Variants in ALDH3B2 observed in about 807,000 individuals in gnomAD.
The protein encoded by ALDH3B2 is aldehyde dehydrogenase 3 family member B2.
In ALDH3B2, 45 loss-of-function variants were observed where a neutral mutation model predicts 36.7. The observed-to-expected ratio is 1.23, with a 90% confidence interval of 0.97 to 1.57. The LOEUF is 1.57. Among genes scored for constraint, ALDH3B2 ranks in the 40% most tolerant of loss-of-function variants. ALDH3B2 has a pLI of 0.00. For missense variants in ALDH3B2, 464 were observed against 513.3 expected (o/e 0.90, Z 0.93); for synonymous variants, 217 against 226.5 (o/e 0.96, Z 0.38).
chr11:67,663,196 T>C (rs747612986), exon 10 of ALDH3B2: 7 of 1,587,992 alleles, frequency 4.4e-6, no homozygotes, highest in Non-Finnish European at 6.0e-6. Flanking sequence ...GTGTGACCCG[T>C]TGGAGGCGGG....
At chr11:67,666,802 A>G (rs1591143500) in intron 3 of ALDH3B2, 104 bp downstream of exon 3, 1 of 1,609,416 alleles carries the variant, frequency 6.2e-7, no homozygotes, top group East Asian at 2.2e-5. Flanking sequence ...AGGAGAGACG[A>G]GAAAATCAGT....
At chr11:67,672,063 A>ATG (rs1242981296) in intron 1 of ALDH3B2, among the ~76,000 whole-genome samples, 10 of 77,100 alleles carry the variant, frequency 1.3e-4, no homozygotes, top group Non-Finnish European at 2.2e-4. Context: ...ATATATATAT[A>ATG]TATATATATA....
chr11:67,677,307 G>T (rs986323846), upstream of ALDH3B2, among the ~76,000 whole-genome samples: 4 of 152,086 alleles, frequency 2.6e-5, no homozygotes, highest in Admixed American at 6.5e-5. Context: ...ACGTAGGAGG[G>T]TCAATAAATG....
chr11:67,662,526 T>G (rs1396132393), exon 10 of ALDH3B2: 1 of 152,726 alleles, frequency 6.5e-6, no homozygotes, highest in Non-Finnish European at 1.5e-5. Flanking sequence ...GACTCCATTT[T>G]ATTAGAGTTT....
At chr11:67,666,815 C>G in intron 3 of ALDH3B2, 91 bp downstream of exon 3, 2 of 1,609,776 alleles carry the variant, frequency 1.2e-6, no homozygotes, top group Non-Finnish European at 1.7e-6. Context: ...AAATCAGTGA[C>G]TCGCCCGGGG....
At chr11:67,662,997 G>C in exon 10 of ALDH3B2, 1 of 602,820 alleles carries the variant, frequency 1.7e-6, no homozygotes. Flanking sequence ...CACCTGGCAT[G>C]TTCTGCGGCC....
chr11:67,675,407 AC>A (rs1402677096), upstream of ALDH3B2, among the ~76,000 whole-genome samples: 2 of 152,136 alleles, frequency 1.3e-5, no homozygotes, highest in Admixed American at 6.5e-5. Flanking sequence ...TTTGCTGAGC[AC>A]CTTCTAGGTT....
chr11:67,662,342 C>G (rs116443716), exon 10 of ALDH3B2: 1 of 152,294 alleles, frequency 6.6e-6, no homozygotes, highest in South Asian at 2.1e-4. Context: ...CAGGAGTTGG[C>G]GATGGTTTTC....
At chr11:67,670,649 G>A (rs1165008469) in intron 1 of ALDH3B2, among the ~76,000 whole-genome samples, 1 of 152,178 alleles carries the variant, frequency 6.6e-6, no homozygotes, top group East Asian at 1.9e-4. Flanking sequence ...GACAAGATGA[G>A]GAGAGCAGCC....
chr11:67,664,649 C>A, intron 7 of ALDH3B2, 87 bp from the exon 8 acceptor site: 2 of 1,521,580 alleles, frequency 1.3e-6, no homozygotes, highest in South Asian at 2.4e-5. Context: ...GGGGCATGGG[C>A]CAGGGCTCCA....
rs77149086 is a variant in ALDH3B2, at chr11:67,668,339, A to C, written c.-244-704T>G. Among the ~76,000 whole-genome samples the C allele has an allele frequency of 7.1e-3, 1,083 of 152,258 alleles. 18 individuals carry two copies. The highest frequency in any genetic ancestry group is 0.025 in the African/African-American group (1,046 of 41,546). ...AGAGCTGAGACTGCCCCAGGGCATG[A>C]ACCCCTCTGGGCTTTAGCCTGAGGG... On this transcript the variant is annotated intron_variant, in intron 1 of 9. Transcript: ENST00000349015.
At chr11:67,669,769 T>C (rs570071954) in intron 1 of ALDH3B2, among the ~76,000 whole-genome samples, 38 of 140,050 alleles carry the variant, frequency 2.7e-4, no homozygotes, top group Admixed American at 2.2e-3. Flanking sequence ...TGTCTGTGTG[T>C]GTATGGGTGT....
At chr11:67,663,252 C>A (rs140105486) in exon 10 of ALDH3B2, 1 of 1,613,134 alleles carries the variant, frequency 6.2e-7, no homozygotes, top group South Asian at 1.1e-5. Flanking sequence ...CATGCCCCAG[C>A]GTAACAGCTG....
At chr11:67,669,325 T>G (rs1439466528) in intron 1 of ALDH3B2, among the ~76,000 whole-genome samples, 5 of 145,246 alleles carry the variant, frequency 3.4e-5, no homozygotes, top group Non-Finnish European at 5.9e-5. Context: ...TGGGTGTCTG[T>G]GTATGTATCA....
chr11:67,678,331 G>A (rs1215906020), upstream of ALDH3B2, among the ~76,000 whole-genome samples: 1 of 152,110 alleles, frequency 6.6e-6, no homozygotes, highest in Admixed American at 6.6e-5. Flanking sequence ...CTTACAGGCA[G>A]CTGATCTTCA....
exon 9 of ALDH3B2, chr11:67,663,705 G>A: frequency 6.2e-7 from 1 of 1,613,168 alleles, no homozygotes; most frequent in South Asian, 1.1e-5. Context: ...TGTAGGTGAA[G>A]CCCTCATTGC....
At chr11:67,666,864 G>A in intron 3 of ALDH3B2, 42 bp downstream of exon 3, 1 of 1,613,964 alleles carries the variant, frequency 6.2e-7, no homozygotes, top group Non-Finnish European at 8.5e-7. Context: ...GAGCTACCCG[G>A]TGCCCTGCCC....
chr11:67,676,112 T>C (rs1856265483), upstream of ALDH3B2, among the ~76,000 whole-genome samples: 1 of 152,068 alleles, frequency 6.6e-6, no homozygotes, highest in Non-Finnish European at 1.5e-5. Context: ...CCAGGCGTGG[T>C]GGCATGTGCC....
At chr11:67,663,628 G>T in intron 9 of ALDH3B2, 34 bp downstream of exon 9, 1 of 1,585,754 alleles carries the variant, frequency 6.3e-7, no homozygotes, top group Non-Finnish European at 8.6e-7. Flanking sequence ...CCAAAGCCAA[G>T]CTTCCCTAGG....
Sources: gnomAD v4.1 joint callset for allele counts (sites outside exome capture counted in the v4.1 genomes callset) on GRCh38, gnomAD v4.1.1 for gene constraint, MANE v1.5 for transcripts, NCBI Gene and HGNC (gene_info 2026-07-23, HGNC 2026-07-21) for gene names.